ZMYND11: variants seen among roughly 807,000 people sequenced by gnomAD.
ZMYND11 encodes zinc finger MYND-type containing 11.
ZMYND11 carries 9 observed loss-of-function variants against 84.9 expected under a neutral mutation model. The observed-to-expected ratio is 0.11, with a 90% confidence interval of 0.06 to 0.18. The LOEUF (loss-of-function observed/expected upper bound fraction) is 0.18. ZMYND11 is among the 10% of genes least tolerant of loss of function. The pLI, the probability that ZMYND11 is intolerant of heterozygous loss-of-function variation, is 1.00. For missense variants in ZMYND11, 409 were observed against 761.0 expected (o/e 0.54, Z 5.44); for synonymous variants, 250 against 244.1 (o/e 1.02, Z -0.23).
At chr10:158,486 T>G (rs1842210726) in intron 1 of ZMYND11, among the ~76,000 whole-genome samples, 1 of 151,832 alleles carries the variant, frequency 6.6e-6, no homozygotes, top group Non-Finnish European at 1.5e-5. Flanking sequence ...TGGTGAGATC[T>G]TGGCTCACTG....
chr10:139,151 C>G (rs1215412137), intron 1 of ZMYND11, among the ~76,000 whole-genome samples: 1 of 152,166 alleles, frequency 6.6e-6, no homozygotes, highest in African/African-American at 2.4e-5. Context: ...TATTTTAATT[C>G]ATTTGAATAA....
intron 10 of ZMYND11, among the ~76,000 whole-genome samples, chr10:245,129 TAG>T (rs1323756378): frequency 1.3e-5 from 2 of 152,174 alleles, no homozygotes; most frequent in African/African-American, 4.8e-5. Flanking sequence ...TACTCTGCAT[TAG>T]AGTTTAGTTT....
chr10:150,280 C>T (rs1840006872), intron 1 of ZMYND11, among the ~76,000 whole-genome samples: 1 of 152,124 alleles, frequency 6.6e-6, no homozygotes. Context: ...ATTATTGCCT[C>T]AATTTCAGAG....
At chr10:166,362 T>C (rs1844023428) in intron 1 of ZMYND11, among the ~76,000 whole-genome samples, 2 of 152,116 alleles carry the variant, frequency 1.3e-5, no homozygotes, top group Admixed American at 1.3e-4. Context: ...ACTGGATTGG[T>C]ATCTAGAATA....
At position 236,815 on chromosome 10, in the gene ZMYND11, TTTTA is replaced by T. The variant is rs764980700; in HGVS notation, c.439-20_439-17del. On this transcript the variant is annotated intron_variant, in intron 4 of 14. Coordinates refer to ENST00000381604, the MANE Select transcript of ZMYND11 (RefSeq NM_001370100.5). Reference sequence around the variant, plus strand: ...AAGAATGATCAGATTTTGTACCTTTTTTTATTCTTTTTTTTTCAATAGAGCATTA... The same window carrying T: ...AAGAATGATCAGATTTTGTACCTTTTTTCTTTTTTTTTCAATAGAGCATTA... The T allele has an allele frequency of 1.9e-6, 3 of 1,595,468 alleles. No homozygotes were observed. The highest frequency in any genetic ancestry group is 1.3e-5 in the African/African-American group (1 of 74,404).
intron 3 of ZMYND11, among the ~76,000 whole-genome samples, chr10:216,080 T>TA: frequency 6.6e-6 from 1 of 152,272 alleles, no homozygotes; most frequent in Non-Finnish European, 1.5e-5. Flanking sequence ...ATGCCCAGTC[T>TA]AAAAAAAGTT....
At chr10:205,934 C>T (rs557434542) in intron 2 of ZMYND11, among the ~76,000 whole-genome samples, 138 of 149,520 alleles carry the variant, frequency 9.2e-4, no homozygotes, top group African/African-American at 3.3e-3. Context: ...ATTTTGTGGT[C>T]AGTTGTTATG....
intron 10 of ZMYND11, 126 bp downstream of exon 10, chr10:242,265 ATCCAAGAATACGT>A (rs1951126854): frequency 7.3e-7 from 1 of 1,361,034 alleles, no homozygotes; most frequent in African/African-American, 1.5e-5. Context: ...CACATTATGC[ATCCAAGAATACGT>A]TCCAAGATAA....
At position 202,050 on chromosome 10, in the gene ZMYND11, T is replaced by C. The variant is rs569502704; in HGVS notation, c.117-7839T>C. 5.3e-5 allele frequency among the ~76,000 whole-genome samples: 8 copies of C among 152,294 alleles called. No homozygotes were observed. The South Asian group carries it at 1.7e-3, about 32-fold the overall frequency. ...TTATCTGAATGCTAACAAATATGTTTTCACATGATGCAAACCTGCCTGAGT... is the reference window on the plus strand; with the variant it reads ...TTATCTGAATGCTAACAAATATGTTCTCACATGATGCAAACCTGCCTGAGT... On this transcript the variant is annotated intron_variant, in intron 2 of 14. Transcript: ENST00000381604.
chr10:144,892 T>C (rs569959203), intron 1 of ZMYND11, among the ~76,000 whole-genome samples: 1 of 150,582 alleles, frequency 6.6e-6, no homozygotes, highest in African/African-American at 2.4e-5. Flanking sequence ...ATATTAAATA[T>C]TAAAGAGATT....
intron 2 of ZMYND11, among the ~76,000 whole-genome samples, chr10:200,344 A>G (rs1311014047): frequency 6.9e-6 from 1 of 145,876 alleles, no homozygotes; most frequent in East Asian, 1.9e-4. Flanking sequence ...TATATAACAT[A>G]TATACATATA....
chr10:167,596 A>T (rs2131586432), intron 1 of ZMYND11, among the ~76,000 whole-genome samples: 1 of 152,252 alleles, frequency 6.6e-6, no homozygotes, highest in Non-Finnish European at 1.5e-5. Context: ...CTTTGATCCA[A>T]ACAAACAAAA....
chr10:149,679 G>A (rs930953638), intron 1 of ZMYND11, among the ~76,000 whole-genome samples: 38 of 152,172 alleles, frequency 2.5e-4, no homozygotes, highest in African/African-American at 8.2e-4. Flanking sequence ...TTGTGGGTAT[G>A]TTTTAGTATA....
chr10:247,375 T>C, intron 11 of ZMYND11, 23 bp from the exon 12 acceptor site: 1 of 1,612,730 alleles, frequency 6.2e-7, no homozygotes, highest in South Asian at 1.1e-5. Flanking sequence ...TGGAATAATA[T>C]ATTACTTTTA....
intron 4 of ZMYND11, among the ~76,000 whole-genome samples, chr10:235,655 T>G (rs1949824580): frequency 6.6e-6 from 1 of 152,136 alleles, no homozygotes; most frequent in African/African-American, 2.4e-5. Flanking sequence ...GAGGCCAGGG[T>G]TGAGAAGAAC....
intron 14 of ZMYND11, chr10:249,375 A>AT: frequency 2.6e-6 from 3 of 1,132,644 alleles, no homozygotes; most frequent in Non-Finnish European, 3.2e-6. Context: ...ATCTATGCAT[A>AT]TATTTTATTT....
intron 2 of ZMYND11, among the ~76,000 whole-genome samples, chr10:208,686 A>G (rs1008352165): frequency 6.6e-6 from 1 of 152,196 alleles, no homozygotes; most frequent in Non-Finnish European, 1.5e-5. Context: ...AATGCAGTTA[A>G]CAGAAGGACT....
chr10:137,261 T>G (rs1554752511), intron 1 of ZMYND11, among the ~76,000 whole-genome samples: 1 of 151,990 alleles, frequency 6.6e-6, no homozygotes, highest in Non-Finnish European at 1.5e-5. Context: ...TGGTATCTGG[T>G]GTCAAGAATG....
At chr10:221,500 A>G in intron 4 of ZMYND11, 144 bp downstream of exon 4, 1 of 760,822 alleles carries the variant, frequency 1.3e-6, no homozygotes, top group Non-Finnish European at 2.1e-6. Flanking sequence ...GATGATACTC[A>G]TAAATGGACA....
Sources: allele counts gnomAD v4.1 joint callset (sites outside exome capture counted in the v4.1 genomes callset), GRCh38; gene constraint gnomAD v4.1.1; transcripts MANE v1.5; gene names NCBI Gene and HGNC (gene_info 2026-07-23, HGNC 2026-07-21).